The following TMEM74 variants were observed in gnomAD, a reference collection of about 807,000 sequenced individuals.
The protein encoded by TMEM74 is transmembrane protein 74.
In TMEM74, 13 loss-of-function variants were observed where a neutral mutation model predicts 18.1. The observed-to-expected ratio is 0.72, with a 90% CI of 0.47 to 1.14. The LOEUF (loss-of-function observed/expected upper bound fraction) is 1.14. Among genes scored for constraint, TMEM74 ranks in the 50% most tolerant of loss-of-function variants. The pLI, the probability that TMEM74 is intolerant of heterozygous loss-of-function variation, is 0.00. For missense variants in TMEM74, 372 were observed against 375.9 expected, an observed-to-expected ratio of 0.99 and a Z score of 0.09; for synonymous variants, 159 against 146.6, an observed-to-expected ratio of 1.08 and a Z score of -0.61.
At chr8:108,663,942 C>G (rs1448818316) in intron 1 of TMEM74, among the ~76,000 whole-genome samples, 1 of 152,098 alleles carries the variant, frequency 6.6e-6, no homozygotes, top group Non-Finnish European at 1.5e-5. Context: ...GGAAACAACA[C>G]ACACTGGGGC....
downstream of TMEM74, among the ~76,000 whole-genome samples, chr8:108,777,257 A>G (rs1017827081): frequency 2.6e-5 from 4 of 152,192 alleles, no homozygotes; most frequent in African/African-American, 9.7e-5. Context: ...AAGATACTGC[A>G]CATGAACGCA....
At chr8:108,761,286 C>T (rs955169477) in intron 1 of TMEM74, among the ~76,000 whole-genome samples, 1 of 151,968 alleles carries the variant, frequency 6.6e-6, no homozygotes, top group Non-Finnish European at 1.5e-5. Flanking sequence ...TCTCTTTACA[C>T]CTTGGTTTCC....
rs1344577465 is a variant in TMEM74, at chr8:108,756,658, A to AAG, written n.119+30816_119+30817dup. 6.9e-3 allele frequency among the ~76,000 whole-genome samples: 518 copies of AAG among 75,238 alleles called. 17 individuals are homozygous for AAG. Among genetic ancestry groups the AAG allele is most frequent in the Middle Eastern group, 0.014 (2 of 140 alleles). The allele number at this position is 75,238 out of a possible 152,430, so 49.4% of individuals were successfully genotyped here. A position where few individuals can be genotyped will look rare whatever the true frequency, so the allele number is the denominator to read the frequency against. ...AGGAAGGAAGAAAGAAAGAGAAAGAAAGAAAGAAAGAAAGAAAGAAAGAAA... is the reference window on the plus strand; with the variant it reads ...AGGAAGGAAGAAAGAAAGAGAAAGAAAGAGAAAGAAAGAAAGAAAGAAAGAAA... On this transcript the variant is annotated intron_variant and non_coding_transcript_variant, in intron 1 of 3. Transcript: ENST00000518838.
At chr8:108,744,026 G>A (rs7003085) in intron 1 of TMEM74, among the ~76,000 whole-genome samples, 9,642 of 135,484 alleles carry the variant, frequency 0.071, 845 homozygotes, top group African/African-American at 0.21. Context: ...AAAGAAGGAG[G>A]TGGGCAATGT....
At chr8:108,778,527 A>C (rs1291341455), downstream of TMEM74, among the ~76,000 whole-genome samples, 1 of 152,234 alleles carries the variant, frequency 6.6e-6, no homozygotes, top group Non-Finnish European at 1.5e-5. Flanking sequence ...AAAGAAGTAG[A>C]CTTTCTTCCT....
chr8:108,767,367 C>T (rs1814120521), intron 1 of TMEM74, among the ~76,000 whole-genome samples: 1 of 152,144 alleles, frequency 6.6e-6, no homozygotes, highest in Non-Finnish European at 1.5e-5. Flanking sequence ...TAATTATCAT[C>T]AAAAAGCAAC....
intron 1 of TMEM74, among the ~76,000 whole-genome samples, chr8:108,668,404 G>C (rs962390304): frequency 1.3e-5 from 2 of 152,126 alleles, no homozygotes; most frequent in Admixed American, 1.3e-4. Flanking sequence ...AATAGTCATT[G>C]GTTAATGTTA....
intron 1 of TMEM74, among the ~76,000 whole-genome samples, chr8:108,677,103 A>G (rs1299903317): frequency 6.6e-6 from 1 of 152,240 alleles, no homozygotes; most frequent in Non-Finnish European, 1.5e-5. Context: ...TGACTCCAAC[A>G]TCTCACTTTC....
At chr8:108,774,892 C>T (rs1212612313), downstream of TMEM74, among the ~76,000 whole-genome samples, 2 of 151,544 alleles carry the variant, frequency 1.3e-5, no homozygotes, top group African/African-American at 2.4e-5. Flanking sequence ...AGCCACAACA[C>T]TTGGCTAGTC....
intron 1 of TMEM74, among the ~76,000 whole-genome samples, chr8:108,773,576 A>G (rs1814196630): frequency 6.6e-6 from 1 of 152,076 alleles, no homozygotes; most frequent in Non-Finnish European, 1.5e-5. Flanking sequence ...AATGTATAGG[A>G]TGAGGTGGAA....
At position 108,641,507 on chromosome 8, in the gene TMEM74, A is replaced by G. The variant is rs182189363; in HGVS notation, n.264+13786T>C. 9.2e-5 allele frequency among the ~76,000 whole-genome samples: 14 copies of G among 152,130 alleles called. No individual in the cohort carries two copies. In the East Asian group the frequency reaches 2.7e-3, roughly 30 times the overall value. On this transcript the variant is annotated intron_variant and non_coding_transcript_variant, in intron 2 of 3. Coordinates refer to the TMEM74 transcript ENST00000518838. ...ATTCCTCTCTCCTGCTGTGCAGTCCATGTGCTACTATACTCTTGAGGTCAC... is the reference window on the plus strand; with the variant it reads ...ATTCCTCTCTCCTGCTGTGCAGTCCGTGTGCTACTATACTCTTGAGGTCAC...
intron 1 of TMEM74, among the ~76,000 whole-genome samples, chr8:108,760,149 G>GGAGAGA (rs72281415): frequency 1.3e-4 from 18 of 143,928 alleles, no homozygotes; most frequent in African/African-American, 3.6e-4. Context: ...CTGCAGACTG[G>GGAGAGA]GAGAGAGAGA....
chr8:108,721,987 G>A (rs1262490989), intron 1 of TMEM74, among the ~76,000 whole-genome samples: 1 of 152,162 alleles, frequency 6.6e-6, no homozygotes, highest in Admixed American at 6.5e-5. Flanking sequence ...ACATTTTGTT[G>A]TTTTATGGGT....
intron 1 of TMEM74, among the ~76,000 whole-genome samples, chr8:108,697,181 T>G (rs1355079086): frequency 6.6e-6 from 1 of 152,140 alleles, no homozygotes; most frequent in Non-Finnish European, 1.5e-5. Context: ...CACACTGGAT[T>G]CCTAACTGCA....
chr8:108,674,956 A>C (rs893998911), intron 1 of TMEM74, among the ~76,000 whole-genome samples: 1 of 152,200 alleles, frequency 6.6e-6, no homozygotes, highest in Non-Finnish European at 1.5e-5. Flanking sequence ...CCAAGGATTT[A>C]TCATTTCCAA....
intron 1 of TMEM74, among the ~76,000 whole-genome samples, chr8:108,683,702 C>T (rs1315771677): frequency 6.6e-6 from 1 of 151,906 alleles, no homozygotes; most frequent in African/African-American, 2.4e-5. Flanking sequence ...TCATCTCAAA[C>T]ATTTATTTCT....
At chr8:108,776,165 GT>G (rs1335487192), downstream of TMEM74, among the ~76,000 whole-genome samples, 4 of 152,188 alleles carry the variant, frequency 2.6e-5, no homozygotes, top group African/African-American at 9.7e-5. Context: ...ACAGGATTTT[GT>G]TGGGTTTTGG....
In TMEM74 at chr8:108,784,040, A is replaced by T; in HGVS notation, c.*141T>A. ...TCTTCTAAATAGAAGACACATAGAG[A>T]ACAAAAACACTTACTGGCTGTTGGT... On this transcript the variant is annotated 3_prime_UTR_variant, in exon 2 of 2. Coordinates refer to ENST00000297459, the MANE Select transcript of TMEM74 (RefSeq NM_153015.3). 4 of 713,804 alleles carry T rather than the reference A, an allele frequency of 5.6e-6. No individual in the cohort carries two copies. The South Asian group carries it at 6.6e-5, about 12-fold the overall frequency. The allele number at this position is 713,804 out of a possible 1,614,324, so 44.2% of individuals were successfully genotyped here.
At chr8:108,708,020 G>A (rs553797429) in intron 1 of TMEM74, among the ~76,000 whole-genome samples, 9 of 151,984 alleles carry the variant, frequency 5.9e-5, no homozygotes, top group African/African-American at 2.2e-4. Flanking sequence ...TTCCGTTCTC[G>A]CCCTCCTCCC....
Sources: gnomAD v4.1 joint callset for allele counts (sites outside exome capture counted in the v4.1 genomes callset) on GRCh38, gnomAD v4.1.1 for gene constraint, MANE v1.5 for transcripts, NCBI Gene and HGNC (gene_info 2026-07-23, HGNC 2026-07-21) for gene names.